Variants in OSBPL3 observed in about 807,000 individuals in gnomAD.
OSBPL3 encodes oxysterol binding protein like 3, also known as oxysterol-binding protein-related protein 3.
Under a neutral mutation model 120.1 loss-of-function variants are expected in OSBPL3, and 65 were observed. The ratio of observed to expected loss-of-function variants is 0.54; its 90% CI spans 0.44 to 0.67. The LOEUF (loss-of-function observed/expected upper bound fraction) is 0.67, where lower values mean the gene tolerates loss of function less well. Among genes scored for constraint, OSBPL3 ranks in the 30% least tolerant of loss-of-function variants. OSBPL3 has a pLI of 0.00. For missense variants in OSBPL3, 1,004 were observed against 1,082.1 expected (o/e 0.93, Z 1.01); for synonymous variants, 416 against 402.6 (o/e 1.03, Z -0.40).
At position 24,891,185 on chromosome 7, in the gene OSBPL3, G is replaced by C. The variant is rs1315336241; in HGVS notation, c.96+1192C>G. Among the ~76,000 whole-genome samples, 1 of 151,796 alleles carries C rather than the reference G, an allele frequency of 6.6e-6. No homozygotes were observed. The highest frequency in any genetic ancestry group is 1.9e-4 in the East Asian group (1 of 5,170). ...AACTGCAGGGAGCCATGATGCATTA[G>C]CCAATGACTAATTTTAGTCTTTTCT... On this transcript the variant is annotated intron_variant, in intron 2 of 22. Transcript: ENST00000313367. The surrounding 1 kb of genome is among the most constrained non-coding windows in gnomAD (Gnocchi z 4.1).
intron 1 of OSBPL3, among the ~76,000 whole-genome samples, chr7:24,927,178 T>A (rs1811162209): frequency 6.6e-6 from 1 of 152,184 alleles, no homozygotes; most frequent in Non-Finnish European, 1.5e-5. Flanking sequence ...TCACTTCTAG[T>A]CCTAGATATC....
chr7:24,815,286 AAGTC>A lies in OSBPL3; in HGVS notation c.2028-87_2028-84del. The stretch of plus-strand genomic sequence containing the variant: ...AACAAACTCTGCTCTTTTATAAAAT[AAGTC>A]ATGCAATGCATTATTCATCTCTTTA... On this transcript the variant is annotated intron_variant, in intron 18 of 22. Coordinates refer to ENST00000313367, the MANE Select transcript of OSBPL3 (RefSeq NM_015550.4). This position sits in a 1 kb window ranked among gnomAD's most constrained non-coding sequence, Gnocchi z 5.1. 1 of 1,068,850 alleles carries A rather than the reference AAGTC, an allele frequency of 9.4e-7. No individual in the cohort carries two copies. The highest frequency in any genetic ancestry group is 1.4e-6 in the Non-Finnish European group (1 of 708,160). 66.2% of individuals were successfully genotyped at this position (1,068,850 alleles called of 1,614,324 possible).
At chr7:24,810,045 T>C in intron 19 of OSBPL3, 94 bp from the exon 20 acceptor site, 4 of 1,374,206 alleles carry the variant, frequency 2.9e-6, no homozygotes, top group Non-Finnish European at 4.1e-6. Context: ...GAAAGGACTG[T>C]AAGAGTGGCT....
At chr7:24,868,752 A>G (rs1267420761) in intron 5 of OSBPL3, among the ~76,000 whole-genome samples, 1 of 152,156 alleles carries the variant, frequency 6.6e-6, no homozygotes, top group Non-Finnish European at 1.5e-5. Context: ...TGTTCTTGAA[A>G]TGTATTTCAT....
At position 24,865,395 on chromosome 7, in the gene OSBPL3, G is replaced by A. The variant is rs1190538567; in HGVS notation, c.620C>T (p.Thr207Ile). 3.1e-6 allele frequency: 5 copies of A among 1,613,270 alleles called. No homozygotes were observed. Among genetic ancestry groups the A allele is most frequent in the Non-Finnish European group, 4.2e-6 (5 of 1,179,328 alleles). Reference protein sequence around the residue: ...SNVSFSCGGETRVPLWLQSSE... With the variant: ...SNVSFSCGGEIRVPLWLQSSE... ...AGACTGTAACCATAATGGAACTCGT[G>A]TCTCACCACCACAAGAAAATGATAC... The change falls in exon 7 of 23, where the codon ACA becomes ATA. Residue 207 changes from threonine to isoleucine, a missense_variant. Coordinates refer to ENST00000313367, the MANE Select transcript of OSBPL3 (RefSeq NM_015550.4).
In OSBPL3 at chr7:24,894,294, C is replaced by T. The variant is rs1805803160; in HGVS notation, c.-149-1673G>A. Among the ~76,000 whole-genome samples the T allele has an allele frequency of 6.6e-6, 1 of 152,188 alleles. No homozygotes were observed. Reference sequence around the variant, plus strand: ...GTTACTCTTAGGTAACTCCCCAAATCTCTTTATTCATTTAGTATTGGATCC... The same window carrying T: ...GTTACTCTTAGGTAACTCCCCAAATTTCTTTATTCATTTAGTATTGGATCC... On this transcript the variant is annotated intron_variant, in intron 1 of 22. Coordinates refer to ENST00000313367, the MANE Select transcript of OSBPL3 (RefSeq NM_015550.4). This position sits in a 1 kb window ranked among gnomAD's most constrained non-coding sequence, Gnocchi z 4.1.
rs1318052853 is a variant in OSBPL3 at position 24,980,084 on chromosome 7, C to T, written c.-348G>A. The T allele has an allele frequency of 3.1e-5, 31 of 984,254 alleles. No homozygotes were observed. The highest frequency in any genetic ancestry group is 3.6e-5 in the Non-Finnish European group (30 of 829,028). The allele number at this position is 984,254 out of a possible 1,614,324, so 61.0% of individuals were successfully genotyped here. On this transcript the variant is annotated 5_prime_UTR_variant, in exon 1 of 23. Transcript: ENST00000313367. The stretch of plus-strand genomic sequence containing the variant: ...ACTGCGGGGCCGGAGCCGCGCTGCG[C>T]ACCGGCCGCGAAGCGCTCAAGTCCC...
intron 9 of OSBPL3, 64 bp from the exon 10 acceptor site, chr7:24,861,833 T>C (rs1800583792): frequency 1.7e-6 from 2 of 1,159,448 alleles, no homozygotes; most frequent in Admixed American, 2.4e-5. Flanking sequence ...ATTTACTTGA[T>C]TCTAAGATTG....
chr7:24,962,818 C>T (rs1451142640), intron 1 of OSBPL3, among the ~76,000 whole-genome samples: 1 of 152,206 alleles, frequency 6.6e-6, no homozygotes, highest in East Asian at 1.9e-4. Context: ...TTTTCTTTTA[C>T]ACTGTCCTTA....
At position 24,805,635 on chromosome 7, in the gene OSBPL3, T is replaced by G. The variant is rs1191971718; in HGVS notation, c.2444+1141A>C. Among the ~76,000 whole-genome samples, 5 of 152,218 alleles carry G rather than the reference T, an allele frequency of 3.3e-5. No individual in the cohort carries two copies. Among genetic ancestry groups the G allele is most frequent in the African/African-American group, 1.2e-4 (5 of 41,446 alleles). ...TGCACGAAACAGTACAAGCATAATGTGCATAGCAAGATAGCTTGAAGCATT... is the reference window on the plus strand; with the variant it reads ...TGCACGAAACAGTACAAGCATAATGGGCATAGCAAGATAGCTTGAAGCATT... On this transcript the variant is annotated intron_variant, in intron 21 of 22. Coordinates refer to ENST00000313367, the MANE Select transcript of OSBPL3 (RefSeq NM_015550.4). The surrounding 1 kb of genome is among the most constrained non-coding windows in gnomAD (Gnocchi z 4.0).
intron 22 of OSBPL3, among the ~76,000 whole-genome samples, chr7:24,800,510 G>A (rs914193409): frequency 2.1e-5 from 3 of 145,516 alleles, no homozygotes; most frequent in Admixed American, 1.4e-4. Context: ...AGGCTGGAGT[G>A]TAGTGGCATG....
rs1320175212 is a variant in OSBPL3 at position 24,900,246 on chromosome 7, A to G, written c.-149-7625T>C. 6.6e-6 allele frequency among the ~76,000 whole-genome samples: 1 copy of G among 152,226 alleles called. No homozygotes were observed. The highest frequency in any genetic ancestry group is 2.4e-5 in the African/African-American group (1 of 41,460). On this transcript the variant is annotated intron_variant, in intron 1 of 22. Coordinates refer to ENST00000313367, the MANE Select transcript of OSBPL3 (RefSeq NM_015550.4). The surrounding 1 kb of genome is among the most constrained non-coding windows in gnomAD (Gnocchi z 4.5). The stretch of plus-strand genomic sequence containing the variant: ...TGCACAAGTCCAAAACCACTGCCAC[A>G]GGTTAATATTACAACCATGGCATAG...
chr7:24,847,075 A>G (rs891939216), intron 12 of OSBPL3, among the ~76,000 whole-genome samples: 48 of 145,384 alleles, frequency 3.3e-4, no homozygotes, highest in Admixed American at 1.5e-3. Context: ...AAAAAAAAAA[A>G]AAAGAAAGAA....
rs1169208747 is a variant in OSBPL3 at position 24,870,843 on chromosome 7, T to C, written c.270A>G (p.Ile90Met). 1.9e-6 allele frequency: 3 copies of C among 1,606,162 alleles called. No individual in the cohort carries two copies. The highest frequency in any genetic ancestry group is 1.7e-4 in the Middle Eastern group (1 of 6,040). Residue 90 changes from isoleucine to methionine, a missense_variant and splice_region_variant, in exon 5 of 23, where the codon ATA becomes ATG. Coordinates refer to ENST00000313367, the MANE Select transcript of OSBPL3 (RefSeq NM_015550.4). ...TGCAGCCATGCAGCTTCTCTCTCTCTATCTGCAGAGGCACCAAGAGGGTCA... is the reference window on the plus strand; with the variant it reads ...TGCAGCCATGCAGCTTCTCTCTCTCCATCTGCAGAGGCACCAAGAGGGTCA... The part of the protein sequence containing the change: ...ILKYAKSQTD[I>M]EREKLHGCID...
Position 24,892,560 on chromosome 7 carries a change from G to A in OSBPL3, c.-88C>T. The A allele has an allele frequency of 1.3e-6, 2 of 1,521,126 alleles. No homozygotes were observed. The highest frequency in any genetic ancestry group is 1.3e-5 in the South Asian group (1 of 79,280). The allele number at this position is 1,521,126 out of a possible 1,614,324, so 94.2% of individuals were successfully genotyped here. On this transcript the variant is annotated 5_prime_UTR_variant, in exon 2 of 23. Transcript: ENST00000313367. ...GTATGGAAGTCCCCAGTGGCAGGTG[G>A]TTTAGCTCTTATCCAAAGTATTTAA...
rs184395167 is a variant in OSBPL3, at chr7:24,932,484, C to T, written c.-149-39863G>A. 6.2e-4 allele frequency among the ~76,000 whole-genome samples: 95 copies of T among 152,146 alleles called. No homozygotes were observed. Among genetic ancestry groups the T allele is most frequent in the Admixed American group, 2.0e-3 (31 of 15,286 alleles). ...AATTCATACATTAAAACCTAGTCAC[C>T]AATTTGATGGCATTGGGATGTGGGG... On this transcript the variant is annotated intron_variant, in intron 1 of 22. Transcript: ENST00000313367. The surrounding 1 kb of genome is among the most constrained non-coding windows in gnomAD (Gnocchi z 5.6).
At chr7:24,856,288 G>A (rs1799833531) in intron 10 of OSBPL3, among the ~76,000 whole-genome samples, 1 of 151,928 alleles carries the variant, frequency 6.6e-6, no homozygotes, top group South Asian at 2.1e-4. Context: ...GACTCTTGGT[G>A]GTCACTACCT....
chr7:24,971,666 A>G (rs1303060099), intron 1 of OSBPL3, among the ~76,000 whole-genome samples: 1 of 152,190 alleles, frequency 6.6e-6, no homozygotes, highest in Non-Finnish European at 1.5e-5. Flanking sequence ...TGTTGGAAAA[A>G]CCAAACAGCA....
Position 24,871,314 on chromosome 7 carries a change from C to A in OSBPL3, c.267+428G>T, listed in dbSNP as rs541312981. 6.6e-6 allele frequency among the ~76,000 whole-genome samples: 1 copy of A among 152,298 alleles called. No homozygotes were observed. The highest frequency in any genetic ancestry group is 2.4e-5 in the African/African-American group (1 of 41,572). ...AGTAGGACTCCTACAAGGGACAGGA[C>A]AAATGGTCATTCACACACAGAGCCT... On this transcript the variant is annotated intron_variant, in intron 4 of 22. Transcript: ENST00000313367. This position sits in a 1 kb window ranked among gnomAD's most constrained non-coding sequence, Gnocchi z 4.8.
Sources: allele counts gnomAD v4.1 joint callset (sites outside exome capture counted in the v4.1 genomes callset), GRCh38; gene constraint gnomAD v4.1.1; non-coding constraint Gnocchi (gnomAD v3.1); transcripts MANE v1.5; gene names NCBI Gene and HGNC (gene_info 2026-07-23, HGNC 2026-07-21).